The following BLK variants were observed in gnomAD, a reference collection of about 807,000 sequenced individuals.
The protein encoded by BLK is tyrosine-protein kinase Blk.
A neutral mutation model predicts 61.8 loss-of-function variants in BLK; 64 were observed. The observed-to-expected ratio is 1.03, with a 90% CI of 0.85 to 1.27. The LOEUF (loss-of-function observed/expected upper bound fraction) is 1.27, where lower values mean the gene tolerates loss of function less well. Ranked by LOEUF, BLK falls within the 50% of genes most tolerant of loss-of-function variation. The probability of loss-of-function intolerance (pLI) is 0.00; values close to 1 mark genes in which losing one functional copy is unlikely to be tolerated. For synonymous variants in BLK, 351 were observed against 272.0 expected (o/e 1.29, Z -2.86); for missense variants, 853 against 660.5 (o/e 1.29, Z -3.19).
chr8:11,556,027 C>CCTCCCTTACCTGGGGCTGGTCCATGAGTG (rs553939042), intron 8 of BLK: 24 of 254,130 alleles, frequency 9.4e-5, no homozygotes, highest in East Asian at 2.9e-4. Context: ...GTCCATGAGT[C>CCTCCCTTACCTGGGGCTGGTCCATGAGTG]CTCCCTTACC....
chr8:11,553,489 G>C, intron 6 of BLK: 1 of 385,518 alleles, frequency 2.6e-6, no homozygotes, highest in South Asian at 1.9e-5. Flanking sequence ...AGCCAGGCAA[G>C]TGAGGGGTCT....
chr8:11,508,974 C>T (rs982789294), intron 1 of BLK, among the ~76,000 whole-genome samples: 2 of 152,104 alleles, frequency 1.3e-5, no homozygotes, highest in Non-Finnish European at 2.9e-5. Flanking sequence ...CCCCCAGCTG[C>T]AGGCAAGGGA....
At chr8:11,535,261 GAAGAAAGAAAGA>G (rs5889374) in intron 1 of BLK, among the ~76,000 whole-genome samples, 2,946 of 110,516 alleles carry the variant, frequency 0.027, 40 homozygotes, top group South Asian at 0.036. Context: ...AAGAAAGAAA[GAAGAAAGAAAGA>G]AAGAAAGAAA....
At position 11,564,286 on chromosome 8, in the gene BLK, C is replaced by T. The variant is rs1397295564; in HGVS notation, c.*178C>T. On this transcript the variant is annotated 3_prime_UTR_variant, in exon 13 of 13. Transcript: ENST00000259089. ...CGGACGGACTCCTTCACCGACTGCA[C>T]CCCCGGGCGAGTTACGCGGCCTCTC... 15 of 773,878 alleles carry T rather than the reference C, an allele frequency of 1.9e-5. No individual in the cohort carries two copies. In the Admixed American group the frequency reaches 3.0e-4, roughly 16 times the overall value. The allele number at this position is 773,878 out of a possible 1,614,324, so 47.9% of individuals were successfully genotyped here.
At chr8:11,532,218 A>G (rs1799916236) in intron 1 of BLK, among the ~76,000 whole-genome samples, 1 of 99,856 alleles carries the variant, frequency 1.0e-5, no homozygotes, top group Non-Finnish European at 2.4e-5. Flanking sequence ...TATTTATTTG[A>G]GACAAAATCT....
intron 2 of BLK, among the ~76,000 whole-genome samples, chr8:11,544,647 T>A (rs1045511915): frequency 6.6e-5 from 10 of 152,150 alleles, no homozygotes; most frequent in Non-Finnish European, 1.5e-4. Context: ...AGTCACATAA[T>A]ATGTATATGG....
intron 1 of BLK, among the ~76,000 whole-genome samples, chr8:11,541,325 G>T (rs1331432039): frequency 6.6e-6 from 1 of 152,112 alleles, no homozygotes; most frequent in Non-Finnish European, 1.5e-5. Flanking sequence ...CTAATATGCT[G>T]TAATCAAATA....
At chr8:11,495,881 T>C (rs1798343939) in intron 1 of BLK, among the ~76,000 whole-genome samples, 1 of 152,220 alleles carries the variant, frequency 6.6e-6, no homozygotes, top group African/African-American at 2.4e-5. Context: ...TAGAAGAACC[T>C]GGTGAAGGAA....
chr8:11,559,410 C>G (rs936690236), intron 10 of BLK, among the ~76,000 whole-genome samples: 5 of 150,072 alleles, frequency 3.3e-5, no homozygotes, highest in Middle Eastern at 3.4e-3. Flanking sequence ...CACACACAGA[C>G]ACACAGACTC....
intron 5 of BLK, 69 bp from the exon 6 acceptor site, chr8:11,550,090 G>C: frequency 7.3e-7 from 1 of 1,369,970 alleles, no homozygotes; most frequent in Non-Finnish European, 1.0e-6. Context: ...AGTGCAGGAG[G>C]GAGGCTGTGT....
chr8:11,512,395 G>A (rs964085526), intron 1 of BLK, among the ~76,000 whole-genome samples: 8 of 152,166 alleles, frequency 5.3e-5, no homozygotes, highest in Admixed American at 3.3e-4. Context: ...ACCCCACCCT[G>A]AAATCACTCT....
rs1415378000 is a variant in BLK, at chr8:11,530,398, G to A, written c.-1-12826G>A. Among the ~76,000 whole-genome samples the A allele has an allele frequency of 6.6e-5, 10 of 152,288 alleles. No homozygotes were observed. The South Asian group carries it at 2.1e-3, about 32-fold the overall frequency. On this transcript the variant is annotated intron_variant, in intron 1 of 12. Transcript: ENST00000259089. ...GGTAGGAGGTCAGTTCCTCCAAGGG[G>A]CTTTCATCATCTCTGTAGGTCAGCC...
intron 1 of BLK, among the ~76,000 whole-genome samples, chr8:11,508,902 A>T (rs1798884602): frequency 6.6e-6 from 1 of 152,114 alleles, no homozygotes; most frequent in Non-Finnish European, 1.5e-5. Context: ...GTGCCTGCCC[A>T]TCCACTGAGA....
intron 3 of BLK, among the ~76,000 whole-genome samples, chr8:11,547,253 T>G (rs1342781465): frequency 6.6e-6 from 1 of 152,264 alleles, no homozygotes; most frequent in Admixed American, 6.5e-5. Context: ...TCACCCATTC[T>G]GACCCTCGCT....
chr8:11,496,160 C>G (rs1798351654), intron 1 of BLK, among the ~76,000 whole-genome samples: 1 of 152,206 alleles, frequency 6.6e-6, no homozygotes, highest in African/African-American at 2.4e-5. Flanking sequence ...GTATTTGCCT[C>G]TCTTCATAGT....
At chr8:11,507,381 C>A (rs1585326012) in intron 1 of BLK, among the ~76,000 whole-genome samples, 1 of 152,196 alleles carries the variant, frequency 6.6e-6, no homozygotes, top group African/African-American at 2.4e-5. Flanking sequence ...GCCTGGACCA[C>A]CATGTAGATG....
intron 4 of BLK, 78 bp downstream of exon 4, chr8:11,548,203 C>A: frequency 8.0e-7 from 1 of 1,256,648 alleles, no homozygotes; most frequent in Non-Finnish European, 1.2e-6. Context: ...CCCACCACAT[C>A]CTCCATGGCT....
chr8:11,518,054 C>G (rs1563433227), intron 1 of BLK, among the ~76,000 whole-genome samples: 7 of 152,190 alleles, frequency 4.6e-5, no homozygotes, highest in Admixed American at 2.6e-4. Flanking sequence ...TCAGAGCTCA[C>G]TCTGCAGAAG....
intron 1 of BLK, among the ~76,000 whole-genome samples, chr8:11,510,427 T>C (rs918045748): frequency 2.6e-5 from 4 of 152,166 alleles, no homozygotes; most frequent in African/African-American, 9.7e-5. Context: ...TCCCATCATC[T>C]AAACCAGGGT....
Sources: gnomAD v4.1 joint callset for allele counts (sites outside exome capture counted in the v4.1 genomes callset) on GRCh38, gnomAD v4.1.1 for gene constraint, MANE v1.5 for transcripts, NCBI Gene and HGNC (gene_info 2026-07-23, HGNC 2026-07-21) for gene names.